The following NEDD4 variants were observed in gnomAD, a reference collection of about 807,000 sequenced individuals.
NEDD4 encodes the protein E3 ubiquitin-protein ligase NEDD4.
In NEDD4, 99 loss-of-function variants were observed where a neutral mutation model predicts 144.9. The observed-to-expected ratio is 0.68, with a 90% confidence interval of 0.58 to 0.81. The LOEUF (loss-of-function observed/expected upper bound fraction) is 0.81, where lower values mean the gene tolerates loss of function less well. NEDD4 is among the 30% of genes least tolerant of loss of function. NEDD4 has a pLI of 0.00. For synonymous variants in NEDD4, 318 were observed against 350.6 expected (o/e 0.91, Z 1.04); for missense variants, 985 against 1,065.9 (o/e 0.92, Z 1.06).
chr15:55,868,078 T>C (rs1364179678), intron 8 of NEDD4, among the ~76,000 whole-genome samples: 1 of 151,858 alleles, frequency 6.6e-6, no homozygotes, highest in East Asian at 1.9e-4. Context: ...AAAAAGGTCT[T>C]TCCTTCTATT....
chr15:55,987,951 T>C (rs1319221136), intron 1 of NEDD4: 19 of 144,466 alleles, frequency 1.3e-4, no homozygotes, highest in Non-Finnish European at 4.5e-5. Flanking sequence ...GACTTGGCGA[T>C]GCGGGCTCTT....
At chr15:55,973,495 T>C (rs2037646995) in intron 1 of NEDD4, among the ~76,000 whole-genome samples, 1 of 152,104 alleles carries the variant, frequency 6.6e-6, no homozygotes, top group Non-Finnish European at 1.5e-5. Flanking sequence ...GCCATGACTG[T>C]GCCACTGCAG....
At chr15:55,881,671 G>A (rs1359966855) in intron 5 of NEDD4, among the ~76,000 whole-genome samples, 1 of 151,560 alleles carries the variant, frequency 6.6e-6, no homozygotes, top group African/African-American at 2.4e-5. Flanking sequence ...TTTTGGTTTA[G>A]TCTTATTAAA....
Position 55,841,918 on chromosome 15 carries a change from T to C in NEDD4, c.1838+16A>G, listed in dbSNP as rs376127769. The C allele has an allele frequency of 5.7e-6, 9 of 1,586,400 alleles. No individual in the cohort carries two copies. The highest frequency in any genetic ancestry group is 3.3e-5 in the Admixed American group (2 of 59,958). On this transcript the variant is annotated intron_variant, in intron 19 of 28. Coordinates refer to ENST00000435532, the MANE Select transcript of NEDD4 (RefSeq NM_006154.4). ...ATTTTTCTTTTTCTGCCGATAATCA[T>C]TGTAAAGGTACTTACGTAGCAGAAT...
rs538064231 is a variant in NEDD4 at position 55,956,033 on chromosome 15, C to T, written c.120-4444G>A. On this transcript the variant is annotated intron_variant, in intron 2 of 28. Transcript: ENST00000435532. ...CAGGGTCTTATCACCAGGCTGGTCTCGAACTCCAGGGCTCAAGTGATCCTC... is the reference window on the plus strand; with the variant it reads ...CAGGGTCTTATCACCAGGCTGGTCTTGAACTCCAGGGCTCAAGTGATCCTC... Among the ~76,000 whole-genome samples, 14 of 152,072 alleles carry T rather than the reference C, an allele frequency of 9.2e-5. 1 individual carries two copies. The highest frequency in any genetic ancestry group is 6.5e-4 in the Admixed American group (10 of 15,268).
intron 8 of NEDD4, among the ~76,000 whole-genome samples, chr15:55,868,118 CATT>C (rs1261711402): frequency 6.6e-6 from 1 of 151,810 alleles, no homozygotes; most frequent in African/African-American, 2.4e-5. Context: ...AGCAAAATCT[CATT>C]AGTGCATTTA....
In NEDD4 at chr15:55,924,657, C is replaced by T. The variant is rs547250575; in HGVS notation, c.280G>A (p.Glu94Lys). The change falls in exon 5 of 29, where the codon GAA becomes AAA. Residue 94 changes from glutamate to lysine, a missense_variant. By Grantham distance (56) the Glu-to-Lys change is moderately conservative (BLOSUM62 1). Coordinates refer to ENST00000435532, the MANE Select transcript of NEDD4 (RefSeq NM_006154.4). The stretch of plus-strand genomic sequence containing the variant: ...ACAATATAACTTACCAATCGGTTTT[C>T]GTCAAACACTTCAAAAAGAAGCCGG... Reference protein sequence around the residue: ...QHRLLFEVFDENRLTRDDFLG... With the variant: ...QHRLLFEVFDKNRLTRDDFLG... The T allele has an allele frequency of 2.5e-6, 4 of 1,609,442 alleles. No individual in the cohort carries two copies. The highest frequency in any genetic ancestry group is 1.7e-4 in the Middle Eastern group (1 of 6,050).
chr15:55,927,924 A>T (rs1160030334), intron 4 of NEDD4, among the ~76,000 whole-genome samples: 1 of 152,208 alleles, frequency 6.6e-6, no homozygotes, highest in Non-Finnish European at 1.5e-5. Flanking sequence ...TATCTAGCAG[A>T]CACTGCAGAT....
intron 4 of NEDD4, among the ~76,000 whole-genome samples, chr15:55,940,872 T>C (rs1595862810): frequency 6.6e-6 from 1 of 152,066 alleles, no homozygotes; most frequent in East Asian, 1.9e-4. Flanking sequence ...ATGGCAATAT[T>C]TTTAAATTAT....
chr15:55,870,086 A>T (rs1006036620), intron 7 of NEDD4, among the ~76,000 whole-genome samples: 2 of 152,102 alleles, frequency 1.3e-5, no homozygotes, highest in African/African-American at 4.8e-5. Context: ...GGTGCAATTA[A>T]GGAAATTGCA....
At chr15:55,983,613 C>CTT (rs10711886) in intron 1 of NEDD4, among the ~76,000 whole-genome samples, 3 of 141,962 alleles carry the variant, frequency 2.1e-5, no homozygotes, top group African/African-American at 5.2e-5. Context: ...TTTAGATATA[C>CTT]TTTTTTTTTT....
At chr15:55,919,621 C>T (rs1253005655) in intron 5 of NEDD4, among the ~76,000 whole-genome samples, 2 of 152,100 alleles carry the variant, frequency 1.3e-5, no homozygotes, top group African/African-American at 4.8e-5. Context: ...TTAATCCTAA[C>T]CTTAAGTGTA....
chr15:55,860,304 T>G, intron 11 of NEDD4, 103 bp downstream of exon 11: 1 of 1,121,348 alleles, frequency 8.9e-7, no homozygotes. Flanking sequence ...TATTACATAT[T>G]ATTGCATTTA....
chr15:55,853,763 C>T (rs759998558), intron 12 of NEDD4, among the ~76,000 whole-genome samples: 3 of 152,060 alleles, frequency 2.0e-5, no homozygotes, highest in Non-Finnish European at 4.4e-5. Context: ...CTGAGGTGGG[C>T]GGATCACCTG....
intron 4 of NEDD4, 106 bp from the exon 5 acceptor site, chr15:55,924,805 T>C (rs1303055231): frequency 4.2e-5 from 47 of 1,121,752 alleles, no homozygotes; most frequent in Non-Finnish European, 6.0e-5. Context: ...TGGTGGCTCA[T>C]GCCTGTAATC....
rs2032777609 is a variant in NEDD4, at chr15:55,828,135, A to T, written c.*1762T>A. ...ATTAATCTGTGAATTGCTTCCCCTAAACCATGCTGATGCTGTGGTGTTTGG... is the reference window on the plus strand; with the variant it reads ...ATTAATCTGTGAATTGCTTCCCCTATACCATGCTGATGCTGTGGTGTTTGG... On this transcript the variant is annotated 3_prime_UTR_variant, in exon 29 of 29. Coordinates refer to ENST00000435532, the MANE Select transcript of NEDD4 (RefSeq NM_006154.4). The T allele has an allele frequency of 6.6e-6, 1 of 152,184 alleles. No individual in the cohort carries two copies. Among genetic ancestry groups the T allele is most frequent in the African/African-American group, 2.4e-5 (1 of 41,450 alleles). The allele number at this position is 152,184 out of a possible 1,614,324, so 9.4% of individuals were successfully genotyped here.
chr15:55,986,820 C>G (rs1257049530), intron 1 of NEDD4, among the ~76,000 whole-genome samples: 1 of 151,648 alleles, frequency 6.6e-6, no homozygotes, highest in Non-Finnish European at 1.5e-5. Context: ...TAGTCTCAAT[C>G]TCCCGACCTC....
At chr15:55,917,103 G>C in intron 5 of NEDD4, 1 of 1,182,382 alleles carries the variant, frequency 8.5e-7, no homozygotes, top group Non-Finnish European at 1.0e-6. Flanking sequence ...TTGATTTCCA[G>C]CGACCTTTAA....
At chr15:55,856,082 A>G in intron 12 of NEDD4, 49 bp downstream of exon 12, 1 of 1,500,398 alleles carries the variant, frequency 6.7e-7, no homozygotes, top group Non-Finnish European at 9.3e-7. Context: ...ATAAAAAGAG[A>G]TGCTGAGTTT....
Sources: gnomAD v4.1 joint callset for allele counts (sites outside exome capture counted in the v4.1 genomes callset) on GRCh38, gnomAD v4.1.1 for gene constraint, MANE v1.5 for transcripts, NCBI Gene and HGNC (gene_info 2026-07-23, HGNC 2026-07-21) for gene names.